FIG4: variants seen among roughly 807,000 people sequenced by gnomAD.
FIG4 encodes FIG4 phosphoinositide 5-phosphatase.
A neutral mutation model predicts 118.6 loss-of-function variants in FIG4; 112 were observed. The observed-to-expected ratio is 0.94, with a 90% confidence interval of 0.81 to 1.11. FIG4 has a LOEUF of 1.11. Among genes scored for constraint, FIG4 ranks in the 50% least tolerant of loss-of-function variants. The pLI is 0.00. For synonymous variants in FIG4, 369 were observed against 381.2 expected (o/e 0.97, Z 0.37); for missense variants, 969 against 1,111.7 (o/e 0.87, Z 1.83).
intron 16 of FIG4, among the ~76,000 whole-genome samples, chr6:109,779,822 G>A (rs1463927918): frequency 6.6e-6 from 1 of 152,216 alleles, no homozygotes; most frequent in Non-Finnish European, 1.5e-5. Flanking sequence ...AGAGCACAGA[G>A]CTCAGGCTCA....
intron 10 of FIG4, among the ~76,000 whole-genome samples, chr6:109,757,959 G>C (rs1444360885): frequency 6.6e-6 from 1 of 152,196 alleles, no homozygotes; most frequent in African/African-American, 2.4e-5. Context: ...TGAAATAAGA[G>C]AGGGCACAAA....
intron 1 of FIG4, among the ~76,000 whole-genome samples, chr6:109,712,401 T>G (rs1302560805): frequency 6.6e-6 from 1 of 152,232 alleles, no homozygotes; most frequent in Non-Finnish European, 1.5e-5. Flanking sequence ...GTAGAGTCAG[T>G]CTCTTTACAT....
rs1562685702 is a variant in FIG4, at chr6:109,789,661, G to A, written c.2164G>A (p.Gly722Arg). Residue 722 changes from glycine (G) to arginine (R), a missense_variant, in exon 19 of 23, where the codon GGA (glycine) becomes AGA (arginine). Around this residue, in one of 3 missense-constraint regions of FIG4, gnomAD observed 330 missense variants for 348.1 expected, o/e 0.95. Transcript: ENST00000230124. ...TACTGTGCGTAAACCAGATGAAACTGGAAAATCAGTATTGGGGTAAGATTT... is the reference window on the plus strand; with the variant it reads ...TACTGTGCGTAAACCAGATGAAACTAGAAAATCAGTATTGGGGTAAGATTT... ...PFTVRKPDET[G>R]KSVLGNKSNR... is the part of the protein sequence containing the mutation. 6.2e-7 allele frequency: 1 copy of A among 1,612,016 alleles called. No homozygotes were observed. Among genetic ancestry groups the A allele is most frequent in the Admixed American group, 1.7e-5 (1 of 60,004 alleles).
chr6:109,819,185 G>A (rs1172128628), intron 22 of FIG4, among the ~76,000 whole-genome samples: 1 of 152,174 alleles, frequency 6.6e-6, no homozygotes, highest in Non-Finnish European at 1.5e-5. Flanking sequence ...ATACAGTGGT[G>A]GCAAAGGAAA....
At chr6:109,778,299 A>T (rs1777679402) in intron 16 of FIG4, among the ~76,000 whole-genome samples, 1 of 72,256 alleles carries the variant, frequency 1.4e-5, no homozygotes, top group South Asian at 3.8e-4. Flanking sequence ...CATCTCTACT[A>T]AAAAAAAAAA....
intron 15 of FIG4, among the ~76,000 whole-genome samples, chr6:109,771,793 A>G (rs1440627691): frequency 6.6e-6 from 1 of 151,936 alleles, no homozygotes; most frequent in Non-Finnish European, 1.5e-5. Flanking sequence ...CTTAAGTGAA[A>G]CCTTGCCTTT....
chr6:109,707,415 A>T, intron 1 of FIG4, among the ~76,000 whole-genome samples: 1 of 148,396 alleles, frequency 6.7e-6, no homozygotes, highest in South Asian at 2.1e-4. Flanking sequence ...ATACATATAT[A>T]CCTATACATA....
intron 22 of FIG4, among the ~76,000 whole-genome samples, chr6:109,815,181 C>T (rs771545293): frequency 1.3e-5 from 2 of 152,026 alleles, no homozygotes; most frequent in African/African-American, 2.4e-5. Flanking sequence ...ATTTATTCCC[C>T]CATACATAAC....
chr6:109,819,965 G>T (rs969741450), intron 22 of FIG4, among the ~76,000 whole-genome samples: 1 of 152,190 alleles, frequency 6.6e-6, no homozygotes, highest in Non-Finnish European at 1.5e-5. Context: ...CAAAAAGTCT[G>T]TACAGCCTCA....
chr6:109,792,536 G>T, intron 20 of FIG4, 46 bp from the exon 21 acceptor site: 1 of 1,157,278 alleles, frequency 8.6e-7, no homozygotes, highest in Non-Finnish European at 1.3e-6. Flanking sequence ...TATGCTATAT[G>T]TCTAAAAATT....
chr6:109,703,860 A>T (rs1774977547), intron 1 of FIG4, among the ~76,000 whole-genome samples: 1 of 152,112 alleles, frequency 6.6e-6, no homozygotes, highest in Non-Finnish European at 1.5e-5. Context: ...GGGTTTTCTC[A>T]TTCACCAGCC....
chr6:109,736,954 A>G (rs1776176240), intron 6 of FIG4, among the ~76,000 whole-genome samples: 1 of 152,014 alleles, frequency 6.6e-6, no homozygotes, highest in Non-Finnish European at 1.5e-5. Flanking sequence ...TTAAGGCTAC[A>G]TTACATTACC....
rs766821308 is a variant in FIG4, at chr6:109,735,306, G to A, written c.646+8G>A. On this transcript the variant is annotated splice_region_variant and intron_variant, in intron 6 of 22. Transcript: ENST00000230124. ...TTACACAAGGTGGAAGCGGTAGGTG[G>A]TCTTGATATATCTAATGTATATTAA... 3 of 1,610,234 alleles carry A rather than the reference G, an allele frequency of 1.9e-6. No homozygotes were observed. Among genetic ancestry groups the A allele is most frequent in the Non-Finnish European group, 2.5e-6 (3 of 1,176,704 alleles).
At chr6:109,741,853 A>G (rs1776334058) in intron 8 of FIG4, among the ~76,000 whole-genome samples, 1 of 152,114 alleles carries the variant, frequency 6.6e-6, no homozygotes, top group Admixed American at 6.6e-5. Context: ...ATGCTATGCA[A>G]ATAGTTCTAA....
chr6:109,806,036 T>G (rs908850279), intron 22 of FIG4, among the ~76,000 whole-genome samples: 2 of 152,190 alleles, frequency 1.3e-5, no homozygotes, highest in Non-Finnish European at 2.9e-5. Context: ...CAGCTCTACA[T>G]AAAATTATAT....
chr6:109,737,403 TAA>T (rs1202816955), intron 6 of FIG4, among the ~76,000 whole-genome samples: 1 of 152,172 alleles, frequency 6.6e-6, no homozygotes, highest in Non-Finnish European at 1.5e-5. Flanking sequence ...GTAACTTGCC[TAA>T]AGTCACAGAG....
At chr6:109,743,985 T>C (rs1335949995) in intron 10 of FIG4, among the ~76,000 whole-genome samples, 1 of 151,972 alleles carries the variant, frequency 6.6e-6, no homozygotes, top group Admixed American at 6.6e-5. Context: ...AAAAAATGAG[T>C]AGTATATATC....
chr6:109,800,374 A>G (rs757605444), intron 22 of FIG4, among the ~76,000 whole-genome samples: 2 of 152,198 alleles, frequency 1.3e-5, no homozygotes, highest in Non-Finnish European at 2.9e-5. Flanking sequence ...TTTAAAAAAT[A>G]CTTAAGGAGA....
At chr6:109,778,692 G>A (rs541170340) in intron 16 of FIG4, among the ~76,000 whole-genome samples, 2 of 151,380 alleles carry the variant, frequency 1.3e-5, no homozygotes, top group Non-Finnish European at 2.9e-5. Flanking sequence ...TCTGCCTCCC[G>A]GGTTCACGCC....
Sources: gnomAD v4.1 joint callset for allele counts (sites outside exome capture counted in the v4.1 genomes callset) on GRCh38, gnomAD v4.1.1 for gene constraint, gnomAD v4.1.1 regional missense constraint, MANE v1.5 for transcripts, NCBI Gene and HGNC (gene_info 2026-07-23, HGNC 2026-07-21) for gene names.